The following SNX25 variants were observed in gnomAD, a reference collection of about 807,000 sequenced individuals.
SNX25 encodes sorting nexin-25.
In SNX25, 62 loss-of-function variants were observed where a neutral mutation model predicts 113.7. The ratio of observed to expected loss-of-function variants is 0.55; its 90% CI spans 0.44 to 0.67. The LOEUF (loss-of-function observed/expected upper bound fraction) is 0.67, where lower values mean the gene tolerates loss of function less well. Among genes scored for constraint, SNX25 ranks in the 30% least tolerant of loss-of-function variants. The pLI, the probability that SNX25 is intolerant of heterozygous loss-of-function variation, is 0.00. For synonymous variants in SNX25, 421 were observed against 436.2 expected, an observed-to-expected ratio of 0.97 and a Z score of 0.43; for missense variants, 1,014 against 1,161.0, an observed-to-expected ratio of 0.87 and a Z score of 1.84.
downstream of SNX25, among the ~76,000 whole-genome samples, chr4:185,372,216 G>A (rs1172131897): frequency 6.6e-6 from 1 of 152,184 alleles, no homozygotes; most frequent in Non-Finnish European, 1.5e-5. Flanking sequence ...ATGCCAAGCT[G>A]TGTTAAGTAC....
chr4:185,314,562 T>C (rs2095055451), intron 7 of SNX25, among the ~76,000 whole-genome samples: 1 of 151,940 alleles, frequency 6.6e-6, no homozygotes, highest in South Asian at 2.1e-4. Context: ...CCAAAACTGA[T>C]TCAAAAAGAA....
At chr4:185,325,984 C>T (rs1440726395) in intron 9 of SNX25, among the ~76,000 whole-genome samples, 1 of 152,158 alleles carries the variant, frequency 6.6e-6, no homozygotes, top group African/African-American at 2.4e-5. Flanking sequence ...CCAGTTGTGT[C>T]CTGTTACAAA....
downstream of SNX25, among the ~76,000 whole-genome samples, chr4:185,374,997 G>A (rs934969339): frequency 1.3e-5 from 2 of 152,070 alleles, no homozygotes; most frequent in Non-Finnish European, 2.9e-5. Context: ...GGAAAGCATA[G>A]AAGATATTCT....
At chr4:185,293,285 T>C (rs1319505569) in intron 6 of SNX25, among the ~76,000 whole-genome samples, 1 of 152,214 alleles carries the variant, frequency 6.6e-6, no homozygotes, top group Non-Finnish European at 1.5e-5. Flanking sequence ...TACTCCTAGG[T>C]GTATACCCAA....
chr4:185,365,692 A>AAAT (rs2095385352), downstream of SNX25: 1 of 138,800 alleles, frequency 7.2e-6, no homozygotes, highest in African/African-American at 2.8e-5. Context: ...AAAAAAAAAA[A>AAAT]TAATAATAAT....
rs1253619179 is a variant in SNX25 at position 185,232,722 on chromosome 4, C to T, written c.430-14572C>T. Reference sequence around the variant, plus strand: ...GGACAGCTTTAAAGCAGGGGCAGCTCTTCTGGTTCCTTCAGCATTTATGTT... The same window carrying T: ...GGACAGCTTTAAAGCAGGGGCAGCTTTTCTGGTTCCTTCAGCATTTATGTT... On this transcript the variant is annotated intron_variant, in intron 1 of 18. Transcript: ENST00000652585. This position sits in a 1 kb window ranked among gnomAD's most constrained non-coding sequence, Gnocchi z 4.4. Among the ~76,000 whole-genome samples, 1 of 152,212 alleles carries T rather than the reference C, an allele frequency of 6.6e-6. No homozygotes were observed. Among genetic ancestry groups the T allele is most frequent in the Non-Finnish European group, 1.5e-5 (1 of 68,044 alleles).
chr4:185,312,859 A>C (rs991647554), intron 7 of SNX25, among the ~76,000 whole-genome samples: 4 of 152,128 alleles, frequency 2.6e-5, no homozygotes, highest in African/African-American at 9.7e-5. Context: ...AGGAAAAGAG[A>C]AACTCATTTC....
chr4:185,229,436 T>C (rs532092129), intron 1 of SNX25, among the ~76,000 whole-genome samples: 1 of 152,176 alleles, frequency 6.6e-6, no homozygotes, highest in Non-Finnish European at 1.5e-5. Flanking sequence ...ATCTGCCCCA[T>C]GTTCTATGTC....
intron 1 of SNX25, among the ~76,000 whole-genome samples, chr4:185,224,802 C>T (rs1018116636): frequency 2.6e-5 from 4 of 151,632 alleles, no homozygotes; most frequent in Non-Finnish European, 5.9e-5. Context: ...TTGACTCTTG[C>T]ATCCTTTGGA....
In SNX25 at chr4:185,232,341, A is replaced by G. The variant is rs1436753236; in HGVS notation, c.430-14953A>G. Among the ~76,000 whole-genome samples, 1 of 152,096 alleles carries G rather than the reference A, an allele frequency of 6.6e-6. No homozygotes were observed. The highest frequency in any genetic ancestry group is 1.5e-5 in the Non-Finnish European group (1 of 68,026). On this transcript the variant is annotated intron_variant, in intron 1 of 18. Transcript: ENST00000652585. The surrounding 1 kb of genome is among the most constrained non-coding windows in gnomAD (Gnocchi z 4.4). ...TCGCCTAAGTTTTATTATCCCCCTTATAAGGTTATACCCCATCCATCCCCT... is the reference window on the plus strand; with the variant it reads ...TCGCCTAAGTTTTATTATCCCCCTTGTAAGGTTATACCCCATCCATCCCCT...
intron 5 of SNX25, among the ~76,000 whole-genome samples, chr4:185,278,291 C>T (rs1750044503): frequency 6.6e-6 from 1 of 152,200 alleles, no homozygotes; most frequent in South Asian, 2.1e-4. Flanking sequence ...CAGTCAAGCA[C>T]CTCAGGTAGA....
At chr4:185,266,658 G>A (rs554831256) in intron 4 of SNX25, among the ~76,000 whole-genome samples, 40 of 152,166 alleles carry the variant, frequency 2.6e-4, no homozygotes, top group African/African-American at 7.7e-4. Context: ...CACCACGCCC[G>A]GCCTTAATTT....
chr4:185,376,094 A>G, the SNX25 span, among the ~76,000 whole-genome samples: 1 of 152,156 alleles, frequency 6.6e-6, no homozygotes, highest in Non-Finnish European at 1.5e-5. Context: ...CCGAAACTAC[A>G]TTACTGAAGT....
chr4:185,336,385 A>T (rs1229781841), intron 10 of SNX25, among the ~76,000 whole-genome samples: 1 of 152,108 alleles, frequency 6.6e-6, no homozygotes, highest in Non-Finnish European at 1.5e-5. Context: ...GTGTCCTCAT[A>T]GCTTAGCTCC....
At chr4:185,225,150 G>A (rs1288723809) in intron 1 of SNX25, among the ~76,000 whole-genome samples, 9 of 136,728 alleles carry the variant, frequency 6.6e-5, no homozygotes, top group African/African-American at 2.5e-4. Context: ...ATGGAGTCTC[G>A]CTTTGTTGCC....
At chr4:185,315,292 A>ATT (rs56655112) in intron 7 of SNX25, among the ~76,000 whole-genome samples, 80 of 119,346 alleles carry the variant, frequency 6.7e-4, no homozygotes, top group South Asian at 5.3e-3. Flanking sequence ...TTCACTGGTG[A>ATT]TTTTTTTTTT....
At chr4:185,207,210 CTTTTTTTTT>C (rs34373262), upstream of SNX25, among the ~76,000 whole-genome samples, 6 of 76,850 alleles carry the variant, frequency 7.8e-5, no homozygotes, top group Admixed American at 1.8e-4. Context: ...ACCAGTCACA[CTTTTTTTTT>C]TTTTTTTTTT....
At chr4:185,238,623 C>G (rs1447847760) in intron 1 of SNX25, among the ~76,000 whole-genome samples, 1 of 152,148 alleles carries the variant, frequency 6.6e-6, no homozygotes, top group Non-Finnish European at 1.5e-5. Flanking sequence ...TGGAGAGACT[C>G]AGCCATGGGA....
At chr4:185,343,120 A>G (rs1034528864) in intron 12 of SNX25, among the ~76,000 whole-genome samples, 3 of 152,094 alleles carry the variant, frequency 2.0e-5, no homozygotes, top group African/African-American at 7.2e-5. Context: ...CGAACTCCTG[A>G]CCTCGGGTGA....
Sources: gnomAD v4.1 joint callset for allele counts (sites outside exome capture counted in the v4.1 genomes callset) on GRCh38, gnomAD v4.1.1 for gene constraint, Gnocchi (gnomAD v3.1) non-coding constraint, MANE v1.5 for transcripts, NCBI Gene and HGNC (gene_info 2026-07-23, HGNC 2026-07-21) for gene names.